The following MYH9 variants were observed in gnomAD, a reference collection of about 807,000 sequenced individuals.
MYH9 encodes myosin-9.
In MYH9, 29 loss-of-function variants were observed where a neutral mutation model predicts 241.9. The observed-to-expected ratio is 0.12, with a 90% CI of 0.09 to 0.16. The LOEUF (loss-of-function observed/expected upper bound fraction) is 0.16, where lower values mean the gene tolerates loss of function less well. Among genes scored for constraint, MYH9 ranks in the 10% least tolerant of loss-of-function variants. The probability of loss-of-function intolerance (pLI) is 1.00; values close to 1 mark genes in which losing one functional copy is unlikely to be tolerated. For synonymous variants in MYH9, 1,047 were observed against 1,062.6 expected (o/e 0.99, Z 0.29); for missense variants, 1,803 against 2,595.5 (o/e 0.69, Z 6.63).
intron 11 of MYH9, 124 bp downstream of exon 11, chr22:36,318,083 T>C (rs1603483379): frequency 1.2e-6 from 1 of 853,560 alleles, no homozygotes; most frequent in Non-Finnish European, 2.0e-6. Context: ...GAGGACTGCA[T>C]CATGGAATCA....
At chr22:36,316,366 A>AG in intron 12 of MYH9, 151 bp downstream of exon 12, 5 of 1,159,192 alleles carry the variant, frequency 4.3e-6, no homozygotes, top group East Asian at 2.4e-5. Flanking sequence ...AAAAAAAAAA[A>AG]AACAACCCCA....
intron 1 of MYH9, among the ~76,000 whole-genome samples, chr22:36,380,253 G>C (rs1485183697): frequency 6.6e-6 from 1 of 152,188 alleles, no homozygotes; most frequent in African/African-American, 2.4e-5. Flanking sequence ...CACCATCCAA[G>C]GCGAAAGACA....
intron 1 of MYH9, among the ~76,000 whole-genome samples, chr22:36,365,587 A>G (rs2017998726): frequency 6.6e-6 from 1 of 151,984 alleles, no homozygotes; most frequent in Non-Finnish European, 1.5e-5. Flanking sequence ...CAGCCTCCCA[A>G]GTAGCTGGCA....
intron 1 of MYH9, among the ~76,000 whole-genome samples, chr22:36,386,714 C>T (rs79013767): frequency 1.3e-5 from 2 of 152,150 alleles, no homozygotes; most frequent in Admixed American, 6.5e-5. Flanking sequence ...CCCTGCCCCC[C>T]ACCACAGGAC....
chr22:36,336,059 G>A (rs1253034583), intron 3 of MYH9, among the ~76,000 whole-genome samples: 2 of 152,226 alleles, frequency 1.3e-5, no homozygotes, highest in Non-Finnish European at 2.9e-5. Flanking sequence ...TGGGAAGGGA[G>A]ACTGGCACAG....
intron 9 of MYH9, 73 bp from the exon 10 acceptor site, chr22:36,319,708 T>C: frequency 7.0e-7 from 1 of 1,434,950 alleles, no homozygotes; most frequent in Admixed American, 1.8e-5. Context: ...GGGCCACTCA[T>C]CTAGGGATCC....
chr22:36,384,050 C>G (rs576756351), intron 1 of MYH9, among the ~76,000 whole-genome samples: 1 of 151,234 alleles, frequency 6.6e-6, no homozygotes, highest in East Asian at 1.9e-4. Context: ...GCCGGTGGAT[C>G]GCTTGAGGTC....
intron 1 of MYH9, among the ~76,000 whole-genome samples, chr22:36,358,983 A>T (rs1465660800): frequency 6.6e-6 from 1 of 152,042 alleles, no homozygotes; most frequent in Non-Finnish European, 1.5e-5. Flanking sequence ...TATATAATCA[A>T]TTCCCCAGTC....
At chr22:36,284,369 G>A (rs750506137) in intron 39 of MYH9, 34 bp downstream of exon 39, 12 of 1,608,174 alleles carry the variant, frequency 7.5e-6, no homozygotes, top group South Asian at 2.2e-5. Context: ...GCCCAGCCCC[G>A]CTGCCCTTCT....
intron 1 of MYH9, among the ~76,000 whole-genome samples, chr22:36,366,269 G>A (rs1299409502): frequency 1.3e-5 from 2 of 152,004 alleles, no homozygotes; most frequent in African/African-American, 2.4e-5. Flanking sequence ...GAAAGTTCTT[G>A]AAAAACACCA....
At chr22:36,304,987 C>A in intron 18 of MYH9, 46 bp downstream of exon 18, 1 of 1,593,006 alleles carries the variant, frequency 6.3e-7, no homozygotes, top group Non-Finnish European at 8.6e-7. Context: ...ACTCCCCAGA[C>A]AAGGGGCTGC....
In MYH9 at chr22:36,329,655, G is replaced by A. The variant is rs1374033215; in HGVS notation, c.491-2167C>T. The stretch of plus-strand genomic sequence containing the variant: ...CCCTTCCAGAGGAACCGTTTTCCCA[G>A]GGCTGTCCCTAGGATGGCTGGAATT... On this transcript the variant is annotated intron_variant, in intron 3 of 40. Transcript: ENST00000216181. The surrounding 1 kb of genome is among the most constrained non-coding windows in gnomAD (Gnocchi z 4.1). Among the ~76,000 whole-genome samples the A allele has an allele frequency of 6.6e-6, 1 of 152,184 alleles. No homozygotes were observed. Among genetic ancestry groups the A allele is most frequent in the Non-Finnish European group, 1.5e-5 (1 of 68,010 alleles).
At position 36,316,396 on chromosome 22, in the gene MYH9, T is replaced by C. The variant is rs187265230; in HGVS notation, c.1380+121A>G. ...ACCCCACACCCAACCAAAGTCTTCA[T>C]GCAAAGGAGATGGCCAACTCAGATC... On this transcript the variant is annotated intron_variant, in intron 12 of 40. Coordinates refer to ENST00000216181, the MANE Select transcript of MYH9 (RefSeq NM_002473.6). The C allele has an allele frequency of 3.8e-4, 555 of 1,450,248 alleles. 4 individuals are homozygous for C. The Admixed American group carries it at 7.4e-3, about 19-fold the overall frequency. 89.8% of individuals were successfully genotyped at this position (1,450,248 alleles called of 1,614,324 possible).
chr22:36,313,019 G>A (rs1188102004), intron 13 of MYH9, among the ~76,000 whole-genome samples: 1 of 151,678 alleles, frequency 6.6e-6, no homozygotes, highest in Non-Finnish European at 1.5e-5. Context: ...CAAACAGGGA[G>A]GCAAAGGTTG....
chr22:36,374,036 T>C (rs1464564161), intron 1 of MYH9, among the ~76,000 whole-genome samples: 1 of 150,858 alleles, frequency 6.6e-6, no homozygotes, highest in Non-Finnish European at 1.5e-5. Context: ...ATAATGCTTG[T>C]GCAATAAACA....
Position 36,282,710 on chromosome 22 carries a change from T to C in MYH9, c.5841A>G (p.Val1947=). The C allele has an allele frequency of 6.2e-7, 1 of 1,614,050 alleles. No individual in the cohort carries two copies. The highest frequency in any genetic ancestry group is 8.5e-7 in the Non-Finnish European group (1 of 1,180,036). ...KGAGDGSDEE[V]DGKADGAEAK... is the part of the protein sequence containing the mutation. ...CCTCAGCCCCATCCGCTTTGCCATC[T>C]ACCTCTTCGTCGGAGCCATCCCCGG... The change falls in exon 41 of 41, where the codon GTA becomes GTG. Residue 1947 remains valine, a synonymous_variant. Coordinates refer to ENST00000216181, the MANE Select transcript of MYH9 (RefSeq NM_002473.6).
intron 1 of MYH9, among the ~76,000 whole-genome samples, chr22:36,384,600 AAAAAAAAAAAAATATATATAT>A (rs1603484807): frequency 1.1e-4 from 5 of 46,232 alleles, no homozygotes; most frequent in East Asian, 5.2e-4. Flanking sequence ...AAAAAAAAAA[AAAAAAAAAAAAATATATATAT>A]ATATATATAT....
chr22:36,352,459 C>T (rs2017781002), intron 1 of MYH9, among the ~76,000 whole-genome samples: 1 of 152,188 alleles, frequency 6.6e-6, no homozygotes, highest in South Asian at 2.1e-4. Flanking sequence ...CAGCAAAGAA[C>T]CCATCTGGTA....
chr22:36,357,750 A>G (rs1426637197), intron 1 of MYH9, among the ~76,000 whole-genome samples: 1 of 152,210 alleles, frequency 6.6e-6, no homozygotes, highest in Non-Finnish European at 1.5e-5. Flanking sequence ...AGGACCCCAT[A>G]AAAATGGCCA....
Sources: gnomAD v4.1 joint callset for allele counts (sites outside exome capture counted in the v4.1 genomes callset) on GRCh38, gnomAD v4.1.1 for gene constraint, Gnocchi (gnomAD v3.1) non-coding constraint, MANE v1.5 for transcripts, NCBI Gene and HGNC (gene_info 2026-07-23, HGNC 2026-07-21) for gene names.